Variants in PHACTR1 observed in about 807,000 individuals in gnomAD.
PHACTR1 encodes RPEL repeat containing 1.
In PHACTR1, 16 loss-of-function variants were observed where a neutral mutation model predicts 69.2. That is an observed-to-expected ratio of 0.23 (90% CI 0.16 to 0.35). The LOEUF (loss-of-function observed/expected upper bound fraction) is 0.35. Among genes scored for constraint, PHACTR1 ranks in the 10% least tolerant of loss-of-function variants. The pLI, the probability that PHACTR1 is intolerant of heterozygous loss-of-function variation, is 1.00. For missense variants in PHACTR1, 510 were observed against 734.7 expected (o/e 0.69, Z 3.54); for synonymous variants, 312 against 284.5 (o/e 1.10, Z -0.97).
intron 4 of PHACTR1, among the ~76,000 whole-genome samples, chr6:12,853,992 A>G (rs1253080123): frequency 6.6e-6 from 1 of 152,228 alleles, no homozygotes; most frequent in South Asian, 2.1e-4. Context: ...ACAAAAGCAG[A>G]AACAAAGACA....
intron 10 of PHACTR1, chr6:13,267,849 A>G (rs1777005855): frequency 5.2e-5 from 1 of 19,222 alleles, no homozygotes; most frequent in African/African-American, 7.0e-5. Context: ...AAAAAAAAAA[A>G]AAAAAAAAAA....
intron 4 of PHACTR1, among the ~76,000 whole-genome samples, chr6:13,038,092 C>T (rs928180263): frequency 6.6e-6 from 1 of 152,062 alleles, no homozygotes; most frequent in African/African-American, 2.4e-5. Context: ...CATGATGAGA[C>T]TAGTAGTAAT....
At chr6:13,133,093 A>T (rs35596191) in intron 5 of PHACTR1, among the ~76,000 whole-genome samples, 29,556 of 152,048 alleles carry the variant, frequency 0.19, 3,242 homozygotes, top group South Asian at 0.41. Flanking sequence ...TCTTTATCAG[A>T]AGTAGACTCC....
chr6:12,776,722 CTAACT>C (rs1487309827), intron 4 of PHACTR1, among the ~76,000 whole-genome samples: 1 of 152,128 alleles, frequency 6.6e-6, no homozygotes. Flanking sequence ...CGTCTCTTCC[CTAACT>C]TAAGAATATA....
At chr6:13,238,787 C>G (rs1772382198) in intron 10 of PHACTR1, among the ~76,000 whole-genome samples, 1 of 152,088 alleles carries the variant, frequency 6.6e-6, no homozygotes, top group Non-Finnish European at 1.5e-5. Flanking sequence ...TCTCCCCTGG[C>G]TAGGTAATTT....
At chr6:12,886,550 T>TC (rs1489857290) in intron 4 of PHACTR1, among the ~76,000 whole-genome samples, 6 of 152,218 alleles carry the variant, frequency 3.9e-5, no homozygotes, top group Non-Finnish European at 8.8e-5. Flanking sequence ...TTAGATAAGT[T>TC]CCCCAAGGAC....
At chr6:13,259,490 A>G (rs141327651) in intron 10 of PHACTR1, among the ~76,000 whole-genome samples, 2 of 152,344 alleles carry the variant, frequency 1.3e-5, no homozygotes, top group Admixed American at 6.5e-5. Context: ...AGCCAAAAAT[A>G]TTCTTTTAAG....
intron 4 of PHACTR1, among the ~76,000 whole-genome samples, chr6:12,885,063 A>G (rs922829076): frequency 6.6e-6 from 1 of 152,116 alleles, no homozygotes; most frequent in Admixed American, 6.5e-5. Context: ...TGCTAACACC[A>G]TCCCTCTTCA....
In PHACTR1 at chr6:13,120,242, C is replaced by T. The variant is rs185482533; in HGVS notation, c.416-39962C>T. Among the ~76,000 whole-genome samples the T allele has an allele frequency of 1.4e-3, 209 of 152,284 alleles. 1 individual carries two copies. Among genetic ancestry groups the T allele is most frequent in the Admixed American group, 4.3e-3 (66 of 15,286 alleles). ...CTTCTTCCTTTCTTCTCCCTCCCTG[C>T]TTCTCCCTCTCTCCTTCTCTTCCTC... is the stretch of plus-strand genomic sequence containing the variant. On this transcript the variant is annotated intron_variant, in intron 5 of 14. Transcript: ENST00000332995.
At chr6:13,264,541 G>A (rs1274598498) in intron 10 of PHACTR1, among the ~76,000 whole-genome samples, 2 of 152,042 alleles carry the variant, frequency 1.3e-5, no homozygotes, top group Non-Finnish European at 2.9e-5. Context: ...CCAACATGGT[G>A]AAACCCCATC....
At chr6:13,160,165 C>A (rs1489648347) in intron 5 of PHACTR1, 39 bp from the exon 6 acceptor site, 2 of 1,560,302 alleles carry the variant, frequency 1.3e-6, no homozygotes, top group African/African-American at 2.7e-5. Flanking sequence ...ACTTTGTTAC[C>A]TACTCACATC....
At chr6:13,188,025 C>A (rs770217432) in intron 7 of PHACTR1, among the ~76,000 whole-genome samples, 1 of 152,124 alleles carries the variant, frequency 6.6e-6, no homozygotes, top group African/African-American at 2.4e-5. Context: ...TATGAGAGAC[C>A]GAAGATATCT....
At chr6:13,251,521 G>T (rs1034628138) in intron 10 of PHACTR1, among the ~76,000 whole-genome samples, 18 of 152,208 alleles carry the variant, frequency 1.2e-4, no homozygotes, top group Admixed American at 5.2e-4. Context: ...ATATAGGGGA[G>T]GGTGGGGATG....
chr6:13,065,903 G>T (rs1192575281), intron 5 of PHACTR1, among the ~76,000 whole-genome samples: 1 of 150,742 alleles, frequency 6.6e-6, no homozygotes, highest in African/African-American at 2.4e-5. Flanking sequence ...CATCTGGCCA[G>T]ATCACATATT....
At position 13,284,745 on chromosome 6, in the gene PHACTR1, A is replaced by G. The variant is rs576579526; in HGVS notation, c.1650+1183A>G. On this transcript the variant is annotated intron_variant, in intron 13 of 14. Coordinates refer to ENST00000332995, the MANE Select transcript of PHACTR1 (RefSeq NM_030948.6). ...TACAGCAGGAAGTCATTTATGGCCC[A>G]GGCTGGCTACATTATCACCAACCCT... Among the ~76,000 whole-genome samples the G allele has an allele frequency of 2.9e-3, 438 of 151,994 alleles. 5 individuals are homozygous for G. The highest frequency in any genetic ancestry group is 2.1e-3 in the East Asian group (11 of 5,154).
At chr6:13,071,159 G>A (rs1240449041) in intron 5 of PHACTR1, among the ~76,000 whole-genome samples, 2 of 152,168 alleles carry the variant, frequency 1.3e-5, no homozygotes, top group Non-Finnish European at 2.9e-5. Context: ...GGGTGCAGTG[G>A]CTCGTGCCTG....
intron 5 of PHACTR1, among the ~76,000 whole-genome samples, chr6:13,091,955 G>A (rs958875836): frequency 6.6e-6 from 1 of 152,076 alleles, no homozygotes; most frequent in Non-Finnish European, 1.5e-5. Flanking sequence ...ATATGACCAC[G>A]CCTGGCTAAT....
At chr6:13,127,878 C>G (rs981901837) in intron 5 of PHACTR1, among the ~76,000 whole-genome samples, 3 of 151,932 alleles carry the variant, frequency 2.0e-5, no homozygotes, top group Admixed American at 2.0e-4. Flanking sequence ...AAGGACTGCC[C>G]AAGACTGGGT....
At chr6:13,148,714 A>G (rs114095444) in intron 5 of PHACTR1, among the ~76,000 whole-genome samples, 435 of 152,336 alleles carry the variant, frequency 2.9e-3, no homozygotes, top group Non-Finnish European at 4.5e-3. Flanking sequence ...ATCACTCCAG[A>G]GGAAAGTATG....
Sources: gnomAD v4.1 joint callset for allele counts (sites outside exome capture counted in the v4.1 genomes callset) on GRCh38, gnomAD v4.1.1 for gene constraint, MANE v1.5 for transcripts, NCBI Gene and HGNC (gene_info 2026-07-23, HGNC 2026-07-21) for gene names.